SCARB2: variants seen among roughly 807,000 people sequenced by gnomAD.
SCARB2 encodes the protein scavenger receptor class B member 2, also known as lysosome membrane protein 2.
SCARB2 carries 29 observed loss-of-function variants against 58.6 expected under a neutral mutation model. The ratio of observed to expected loss-of-function variants is 0.49; its 90% CI spans 0.37 to 0.67. The LOEUF is 0.67. Among genes scored for constraint, SCARB2 ranks in the 30% least tolerant of loss-of-function variants. The pLI is 0.00. For missense variants in SCARB2, 488 were observed against 578.5 expected (o/e 0.84, Z 1.60); for synonymous variants, 195 against 210.1 (o/e 0.93, Z 0.62).
At chr4:76,200,087 G>A (rs1044121136) in intron 1 of SCARB2, among the ~76,000 whole-genome samples, 4 of 152,196 alleles carry the variant, frequency 2.6e-5, no homozygotes, top group African/African-American at 9.7e-5. Flanking sequence ...CATTCCGCCA[G>A]ATACAACGAG....
At position 76,163,291 on chromosome 4, in the gene SCARB2, C is replaced by A; in HGVS notation, c.1332G>T (p.Ala444=). 1 of 1,614,130 alleles carries A rather than the reference C, an allele frequency of 6.2e-7. No individual in the cohort carries two copies. Among genetic ancestry groups the A allele is most frequent in the Non-Finnish European group, 8.5e-7 (1 of 1,180,024 alleles). ...AAACCAAACCAAAGAACACACCCAG[C>A]GCCATGATGATGTAGGGTATGTTGG... ...IITNIPYIIM[A]LGVFFGLVFT... The change falls in exon 11 of 12, where the codon GCG becomes GCT. Residue 444 remains alanine, a synonymous_variant. Transcript: ENST00000264896.
chr4:76,227,161 A>C (rs1327830919), intron 1 of SCARB2, among the ~76,000 whole-genome samples: 1 of 152,204 alleles, frequency 6.6e-6, no homozygotes, highest in Admixed American at 6.5e-5. Context: ...TGTAGTCAAA[A>C]GTTTGATGAA....
chr4:76,207,162 G>A (rs1044080198), intron 1 of SCARB2, among the ~76,000 whole-genome samples: 6 of 152,136 alleles, frequency 3.9e-5, no homozygotes, highest in African/African-American at 7.2e-5. Flanking sequence ...TATCATTTGC[G>A]TTTTTAATTC....
intron 7 of SCARB2, among the ~76,000 whole-genome samples, chr4:76,172,261 A>G (rs1464523006): frequency 6.7e-6 from 1 of 150,264 alleles, no homozygotes; most frequent in Non-Finnish European, 1.5e-5. Flanking sequence ...AATTTTTTAT[A>G]TATATATAAT....
intron 2 of SCARB2, among the ~76,000 whole-genome samples, chr4:76,191,263 T>C (rs1290515269): frequency 6.6e-6 from 1 of 152,218 alleles, no homozygotes; most frequent in Non-Finnish European, 1.5e-5. Context: ...TTTCTTCATA[T>C]AGCAACAGGG....
chr4:76,220,068 G>C (rs1243880754), intron 1 of SCARB2, among the ~76,000 whole-genome samples: 2 of 152,116 alleles, frequency 1.3e-5, no homozygotes, highest in Admixed American at 1.3e-4. Context: ...CCTCCATTTT[G>C]AATCAAACCA....
chr4:76,195,583 C>A (rs1021130642), intron 2 of SCARB2, 124 bp downstream of exon 2: 19 of 815,684 alleles, frequency 2.3e-5, no homozygotes, highest in Non-Finnish European at 4.0e-5. Context: ...GCGTTTCAGA[C>A]AATGAAATCA....
At position 76,181,082 on chromosome 4, in the gene SCARB2, T is replaced by C. The variant is rs1732374215; in HGVS notation, c.295A>G (p.Asn99Asp). 4 of 1,613,790 alleles carry C rather than the reference T, an allele frequency of 2.5e-6. No homozygotes were observed. Among genetic ancestry groups the C allele is most frequent in the East Asian group, 2.2e-5 (1 of 44,806 alleles). ...YTYRELRNKA[N>D]IQFGDNGTTI... ...GTTCCATTATCTCCAAATTGAATAT[T>C]TGCTTTGTTTCTGAGTTCCCTAAAA... The change falls in exon 3 of 12, where the codon AAT becomes GAT. Residue 99 changes from asparagine (N) to aspartate (D), a missense_variant. Asn to Asp is a conservative substitution (Grantham distance 23). Coordinates refer to ENST00000264896, the MANE Select transcript of SCARB2 (RefSeq NM_005506.4).
At chr4:76,231,732 T>C (rs1405804421) in intron 1 of SCARB2, among the ~76,000 whole-genome samples, 2 of 152,210 alleles carry the variant, frequency 1.3e-5, no homozygotes, top group African/African-American at 4.8e-5. Context: ...GGGTTTATCC[T>C]CAAATACCTG....
chr4:76,174,503 T>G (rs1578719838), intron 6 of SCARB2, 190 bp from the exon 7 acceptor site: 2 of 606,116 alleles, frequency 3.3e-6, no homozygotes, highest in Non-Finnish European at 5.9e-6. Flanking sequence ...TAGTGGAAGG[T>G]GTTTATTGTA....
chr4:76,210,849 C>G (rs1336250665), intron 1 of SCARB2, among the ~76,000 whole-genome samples: 1 of 152,234 alleles, frequency 6.6e-6, no homozygotes, highest in Non-Finnish European at 1.5e-5. Flanking sequence ...AATTCTCTTA[C>G]TAAGCTTCCC....
At chr4:76,181,795 G>A (rs1429501911) in intron 2 of SCARB2, among the ~76,000 whole-genome samples, 1 of 152,026 alleles carries the variant, frequency 6.6e-6, no homozygotes, top group Non-Finnish European at 1.5e-5. Context: ...TGAACTCCTG[G>A]ACTCAAGTGA....
intron 1 of SCARB2, among the ~76,000 whole-genome samples, chr4:76,231,291 G>C (rs959535515): frequency 1.2e-4 from 18 of 152,124 alleles, no homozygotes; most frequent in African/African-American, 4.3e-4. Flanking sequence ...CACCTGGCAG[G>C]GTTTTCAGGA....
chr4:76,202,687 A>C (rs111384014), intron 1 of SCARB2, among the ~76,000 whole-genome samples: 18 of 152,268 alleles, frequency 1.2e-4, no homozygotes, highest in African/African-American at 4.3e-4. Flanking sequence ...TGTAATCCAC[A>C]CTATCGCTGT....
chr4:76,228,422 C>A (rs557132274), intron 1 of SCARB2, among the ~76,000 whole-genome samples: 1 of 151,022 alleles, frequency 6.6e-6, no homozygotes, highest in East Asian at 1.9e-4. Context: ...AAGGTTACAG[C>A]AAGCTGAGAT....
intron 1 of SCARB2, among the ~76,000 whole-genome samples, chr4:76,196,108 A>C (rs1482474161): frequency 6.6e-6 from 1 of 152,262 alleles, no homozygotes; most frequent in African/African-American, 2.4e-5. Context: ...CCAGTGGCCC[A>C]ACACTCTGGG....
intron 1 of SCARB2, 40 bp downstream of exon 1, chr4:76,213,387 G>T: frequency 7.2e-7 from 1 of 1,385,102 alleles, no homozygotes; most frequent in Non-Finnish European, 1.0e-6. Context: ...AGGGTGAGCT[G>T]GACGACTCCA....
chr4:76,210,805 G>A (rs1474852359), intron 1 of SCARB2, among the ~76,000 whole-genome samples: 1 of 152,156 alleles, frequency 6.6e-6, no homozygotes, highest in Middle Eastern at 3.2e-3. Context: ...AGGGTTCAAG[G>A]ACAATTATCA....
rs1731879451 is a variant in SCARB2 at position 76,160,757 on chromosome 4, T to C, written c.*956A>G. 1 of 152,236 alleles carries C rather than the reference T, an allele frequency of 6.6e-6. No homozygotes were observed. Among genetic ancestry groups the C allele is most frequent in the South Asian group, 2.1e-4 (1 of 4,828 alleles). 9.4% of individuals were successfully genotyped at this position (152,236 alleles called of 1,614,324 possible). On this transcript the variant is annotated 3_prime_UTR_variant, in exon 12 of 12. Coordinates refer to ENST00000264896, the MANE Select transcript of SCARB2 (RefSeq NM_005506.4). ...ACTTATGTGTAACTTAGGCTGTAGA[T>C]AGATGGATTTCCCATATTCATAATT...
Sources: allele counts gnomAD v4.1 joint callset (sites outside exome capture counted in the v4.1 genomes callset), GRCh38; gene constraint gnomAD v4.1.1; transcripts MANE v1.5; gene names NCBI Gene and HGNC (gene_info 2026-07-23, HGNC 2026-07-21).